Variants in GPM6B observed in about 807,000 individuals in gnomAD.
GPM6B encodes the protein glycoprotein M6B.
In GPM6B, 4 loss-of-function variants were observed where a neutral mutation model predicts 27.2. The observed-to-expected ratio is 0.15, with a 90% confidence interval of 0.07 to 0.34. The LOEUF is 0.34. Among genes scored for constraint, GPM6B ranks in the 10% least tolerant of loss-of-function variants. GPM6B has a pLI of 1.00. For missense variants in GPM6B, 183 were observed against 261.9 expected (o/e 0.70, Z 2.08); for synonymous variants, 124 against 103.1 (o/e 1.20, Z -1.23).
intron 2 of GPM6B, among the ~76,000 whole-genome samples, chrX:13,803,262 G>C (rs992910416): frequency 7.2e-5 from 8 of 111,143 alleles, no homozygotes; most frequent in African/African-American, 2.3e-4. Context: ...GGTGCAACAT[G>C]AGTTAACAGC....
intron 1 of GPM6B, among the ~76,000 whole-genome samples, chrX:13,878,892 G>A (rs2050066812): frequency 8.9e-6 from 1 of 111,748 alleles, no homozygotes; most frequent in Non-Finnish European, 1.9e-5. Flanking sequence ...ATGGCCACAA[G>A]CCAAAAAATG....
intron 1 of GPM6B, among the ~76,000 whole-genome samples, chrX:13,936,630 T>C (rs1004917986): frequency 2.7e-5 from 3 of 112,719 alleles, no homozygotes; most frequent in Admixed American, 1.9e-4. Flanking sequence ...ACTTTCTTTT[T>C]AATGTAAAAA....
rs1162070183 is a variant in GPM6B at position 13,804,801 on chromosome X, TA to T, written c.181+2848del. ...GCTGACAACTCTGCAAAAAAATTAATAAAAAAAAAAAGAAAAAAAAAAGAGC... is the reference window on the plus strand; with the variant it reads ...GCTGACAACTCTGCAAAAAAATTAATAAAAAAAAAAGAAAAAAAAAAGAGC... On this transcript the variant is annotated intron_variant, in intron 2 of 7. Coordinates refer to ENST00000316715, the MANE Select transcript of GPM6B (RefSeq NM_001001995.3). Among the ~76,000 whole-genome samples the T allele has an allele frequency of 6.2e-4, 26 of 42,158 alleles. No individual in the cohort carries two copies. The East Asian group carries it at 7.8e-3, about 13-fold the overall frequency. The allele number at this position is 42,158 out of a possible 115,157, so 36.6% of individuals were successfully genotyped here.
chrX:13,780,586 C>T (rs1406337894), intron 4 of GPM6B, among the ~76,000 whole-genome samples: 4 of 112,050 alleles, frequency 3.6e-5, no homozygotes, highest in African/African-American at 1.3e-4. Context: ...AATGCTCGAT[C>T]TATAAAATTC....
At chrX:13,776,451 A>C in intron 6 of GPM6B, 148 bp from the exon 7 acceptor site, 1 of 444,432 alleles carries the variant, frequency 2.3e-6, no homozygotes, top group East Asian at 3.7e-5. Flanking sequence ...CTCTGGCCTC[A>C]TGGTGGAATC....
rs776610211 is a variant in GPM6B, at chrX:13,797,186, C to T, written c.181+10464G>A. 1.6e-4 allele frequency among the ~76,000 whole-genome samples: 18 copies of T among 112,332 alleles called. No individual in the cohort carries two copies. In the East Asian group the frequency reaches 4.8e-3, roughly 30 times the overall value. ...GTGTCTGTCCAATACCTGCCATGTG[C>T]AAGCCACTGTGGTGGGGTCTGCAAG... is the stretch of plus-strand genomic sequence containing the variant. On this transcript the variant is annotated intron_variant, in intron 2 of 7. Transcript: ENST00000316715.
In GPM6B at chrX:13,859,404, C is replaced by CT. The variant is rs2049817548; in HGVS notation, c.-197-73597dup. ...CCATGTTTTTGTGTGTATCCATGTC[C>CT]TTTTTTTCATTGCTGAGTAGTATTC... On this transcript the variant is annotated intron_variant, in intron 1 of 6. Coordinates refer to the GPM6B transcript ENST00000398361. Among the ~76,000 whole-genome samples, 4 of 111,670 alleles carry CT rather than the reference C, an allele frequency of 3.6e-5. No homozygotes were observed. In the South Asian group the frequency reaches 1.5e-3, roughly 42 times the overall value.
intron 1 of GPM6B, among the ~76,000 whole-genome samples, chrX:13,871,551 T>C (rs1369195162): frequency 1.8e-5 from 2 of 112,293 alleles, no homozygotes; most frequent in Admixed American, 9.5e-5. Context: ...CAGTTTCACC[T>C]GGAAGCCTAC....
chrX:13,864,093 C>T (rs1429317125), intron 1 of GPM6B, among the ~76,000 whole-genome samples: 1 of 111,951 alleles, frequency 8.9e-6, no homozygotes, highest in African/African-American at 3.3e-5. Context: ...AACAGAGTAA[C>T]ATTGAAAAGG....
intron 1 of GPM6B, among the ~76,000 whole-genome samples, chrX:13,915,278 TAAAAAAAAA>T (rs57417145): frequency 2.5e-5 from 2 of 80,516 alleles, no homozygotes. Flanking sequence ...AAAAAATGTG[TAAAAAAAAA>T]AAAAAAAAAA....
At chrX:13,784,116 T>C (rs1236513571) in intron 3 of GPM6B, among the ~76,000 whole-genome samples, 1 of 112,829 alleles carries the variant, frequency 8.9e-6, no homozygotes, top group Non-Finnish European at 1.9e-5. Flanking sequence ...ATGCAGTTTG[T>C]CCCACAAAAG....
At chrX:13,893,520 T>C (rs1004301697) in intron 1 of GPM6B, among the ~76,000 whole-genome samples, 10 of 112,401 alleles carry the variant, frequency 8.9e-5, no homozygotes, top group African/African-American at 3.2e-4. Context: ...TTAAATTTCA[T>C]TTCTTTTCCC....
chrX:13,786,987 G>C (rs777070617), intron 2 of GPM6B, among the ~76,000 whole-genome samples: 28 of 84,681 alleles, frequency 3.3e-4, no homozygotes, highest in African/African-American at 1.3e-3. Flanking sequence ...GCATTATGGT[G>C]TTTAGCAGCA....
chrX:13,819,547 C>T (rs1373216644), upstream of GPM6B, among the ~76,000 whole-genome samples: 1 of 112,105 alleles, frequency 8.9e-6, no homozygotes, highest in Non-Finnish European at 1.9e-5. Context: ...TTAGAATAAA[C>T]ATATGAAATT....
Position 13,771,861 on chromosome X carries a change from AATTACTTAAGTATTCAAGTCTAT to A in GPM6B, c.*997_*1019del, listed in dbSNP as rs1418938244. ...AAAATGAAATACCAACCCTAATTTA[AATTACTTAAGTATTCAAGTCTAT>A]AAAAGTAGGAGGTTAGAGGTCTGTG... is the stretch of plus-strand genomic sequence containing the variant. On this transcript the variant is annotated 3_prime_UTR_variant, in exon 8 of 8. Transcript: ENST00000316715. 2 of 112,504 alleles carry A rather than the reference AATTACTTAAGTATTCAAGTCTAT, an allele frequency of 1.8e-5. No homozygotes were observed. Among genetic ancestry groups the A allele is most frequent in the African/African-American group, 6.5e-5 (2 of 30,887 alleles). 9.3% of individuals were successfully genotyped at this position (112,504 alleles called of 1,213,427 possible).
chrX:13,921,333 G>A (rs1485661463), intron 1 of GPM6B, among the ~76,000 whole-genome samples: 1 of 112,029 alleles, frequency 8.9e-6, no homozygotes, highest in East Asian at 2.8e-4. Flanking sequence ...CCTTCCTACA[G>A]GTTATATGTT....
At chrX:13,864,469 G>A (rs1167897097) in intron 1 of GPM6B, among the ~76,000 whole-genome samples, 2 of 112,817 alleles carry the variant, frequency 1.8e-5, no homozygotes, top group African/African-American at 6.4e-5. Context: ...GAGCCGAGGG[G>A]CTGGTGCCCA....
intron 1 of GPM6B, among the ~76,000 whole-genome samples, chrX:13,837,710 T>TG (rs771546203): frequency 0.01 from 117 of 11,367 alleles, 11 homozygotes; most frequent in Admixed American, 0.018. Flanking sequence ...AGCAAGTTGG[T>TG]GGGGGGGGGG....
chrX:13,931,393 C>A (rs1237669289), intron 1 of GPM6B, among the ~76,000 whole-genome samples: 1 of 108,523 alleles, frequency 9.2e-6, no homozygotes, highest in Admixed American at 9.9e-5. Flanking sequence ...GAGGCTGAGG[C>A]GAGAGAATGG....
Sources: gnomAD v4.1 joint callset for allele counts (sites outside exome capture counted in the v4.1 genomes callset) on GRCh38, gnomAD v4.1.1 for gene constraint, MANE v1.5 for transcripts, NCBI Gene and HGNC (gene_info 2026-07-23, HGNC 2026-07-21) for gene names.